INTS6: variants seen among roughly 807,000 people sequenced by gnomAD.
INTS6 encodes the protein integrator complex subunit 6.
Under a neutral mutation model 104.9 loss-of-function variants are expected in INTS6, and 16 were observed. That is an observed-to-expected ratio of 0.15 (90% confidence interval 0.10 to 0.23). INTS6 has a LOEUF of 0.23. Ranked by LOEUF, INTS6 falls within the 10% of genes least tolerant of loss-of-function variation. The pLI is 1.00. For missense variants in INTS6, 584 were observed against 1,062.8 expected (o/e 0.55, Z 6.26); for synonymous variants, 324 against 358.7 (o/e 0.90, Z 1.09).
At chr13:51,339,658 C>T in the INTS6 span, 2 of 152,236 alleles carry the variant, frequency 1.3e-5, no homozygotes, top group Non-Finnish European at 2.9e-5. Flanking sequence ...TTCTGCTCCA[C>T]TTTTTTAAAA....
chr13:51,369,409 T>C, intron 15 of INTS6, 99 bp from the exon 16 acceptor site: 1 of 1,201,096 alleles, frequency 8.3e-7, no homozygotes, highest in Non-Finnish European at 1.2e-6. Flanking sequence ...GTCAACTGTT[T>C]TCCTTGACTA....
At chr13:51,445,543 C>T (rs1952896983) in intron 3 of INTS6, 1 of 152,116 alleles carries the variant, frequency 6.6e-6, no homozygotes, top group Non-Finnish European at 1.5e-5. Context: ...CCATTTAAAC[C>T]TCTCAACAAT....
In INTS6 at chr13:51,452,101, AG is replaced by A. The variant is rs1287195083; in HGVS notation, c.112-47del. On this transcript the variant is annotated intron_variant, in intron 1 of 17. Coordinates refer to ENST00000311234, the MANE Select transcript of INTS6 (RefSeq NM_012141.3). The surrounding 1 kb of genome is among the most constrained non-coding windows in gnomAD (Gnocchi z 4.2). Reference sequence around the variant, plus strand: ...CAGGGCGGGCGACAGGGAAGCACAGAGGCGAGGTTACGAGGCGGAGAAGGGG... The same window carrying A: ...CAGGGCGGGCGACAGGGAAGCACAGAGCGAGGTTACGAGGCGGAGAAGGGG... 2 of 1,570,410 alleles carry A rather than the reference AG, an allele frequency of 1.3e-6. No individual in the cohort carries two copies. The highest frequency in any genetic ancestry group is 1.7e-6 in the Non-Finnish European group (2 of 1,147,056).
intron 4 of INTS6, among the ~76,000 whole-genome samples, chr13:51,405,877 T>C (rs1278337233): frequency 1.3e-5 from 2 of 152,182 alleles, no homozygotes; most frequent in African/African-American, 4.8e-5. Context: ...TAATAAACTG[T>C]TGTTTTAAGT....
intron 3 of INTS6, chr13:51,440,037 G>A (rs1213614080): frequency 6.6e-6 from 1 of 152,280 alleles, no homozygotes; most frequent in Non-Finnish European, 1.5e-5. Flanking sequence ...AGGAGATCAG[G>A]AGGTCAGGAG....
Position 51,430,353 on chromosome 13 carries a change from T to C in INTS6, c.370A>G (p.Ile124Val), listed in dbSNP as rs889713817. ...CTCCCATCAGTAATTGTGATAATTA[T>C]TGCTGGCTCCAAGAAAAAAGGGTTT... ...GRNPFFLEPA[I>V]IITITDGSKL... The change falls in exon 4 of 18, where the codon ATA becomes GTA. Residue 124 changes from isoleucine to valine, a missense_variant. Physicochemically the swap from Ile to Val is conservative, Grantham distance 29 (BLOSUM62 3). This residue lies in a region of INTS6 where 70 missense variants were observed against 190.3 expected (regional missense o/e 0.37). Transcript: ENST00000311234. The C allele has an allele frequency of 1.2e-6, 2 of 1,612,644 alleles. No individual in the cohort carries two copies. Among genetic ancestry groups the C allele is most frequent in the African/African-American group, 1.3e-5 (1 of 74,998 alleles).
intron 16 of INTS6, among the ~76,000 whole-genome samples, chr13:51,368,276 G>A (rs1955732095): frequency 6.6e-6 from 1 of 151,982 alleles, no homozygotes; most frequent in Non-Finnish European, 1.5e-5. Flanking sequence ...GGAAGTGGGG[G>A]TAAAAACCAG....
chr13:51,426,789 A>C (rs933488329), intron 4 of INTS6, among the ~76,000 whole-genome samples: 3 of 152,138 alleles, frequency 2.0e-5, no homozygotes, highest in Non-Finnish European at 2.9e-5. Context: ...GACAAATAAG[A>C]AATCAGATAA....
chr13:51,450,147 A>G (rs1451166129), intron 3 of INTS6: 1 of 985,046 alleles, frequency 1.0e-6, no homozygotes, highest in East Asian at 1.1e-4. Flanking sequence ...CCAATATATA[A>G]TTAGGAATAG....
chr13:51,395,228 G>A (rs1488633477), intron 5 of INTS6, 72 bp downstream of exon 5: 2 of 1,397,608 alleles, frequency 1.4e-6, no homozygotes, highest in Non-Finnish European at 1.9e-6. Flanking sequence ...TGGAGCTTTT[G>A]AATGTACACT....
At chr13:51,345,213 C>T in the INTS6 span, among the ~76,000 whole-genome samples, 2 of 152,132 alleles carry the variant, frequency 1.3e-5, no homozygotes, top group East Asian at 3.9e-4. Context: ...GCACAGAAGG[C>T]TCAGCCTCCT....
At chr13:51,420,447 TCA>T (rs1431558261) in intron 4 of INTS6, among the ~76,000 whole-genome samples, 1 of 152,042 alleles carries the variant, frequency 6.6e-6, no homozygotes, top group Non-Finnish European at 1.5e-5. Flanking sequence ...GTGCTTCAAA[TCA>T]CAGAGAAAGA....
At chr13:51,372,693 CA>C (rs1281794283) in intron 15 of INTS6, among the ~76,000 whole-genome samples, 1 of 152,194 alleles carries the variant, frequency 6.6e-6, no homozygotes, top group East Asian at 1.9e-4. Flanking sequence ...TCTCTCAAGA[CA>C]TACGTCTGAC....
chr13:51,390,388 AAATT>A (rs1956225106), intron 5 of INTS6, among the ~76,000 whole-genome samples: 1 of 151,878 alleles, frequency 6.6e-6, no homozygotes, highest in Non-Finnish European at 1.5e-5. Context: ...TATATTATTA[AAATT>A]AATTTCATCT....
downstream of INTS6, chr13:51,361,288 C>G (rs369934291): frequency 1.3e-4 from 212 of 1,608,268 alleles, no homozygotes; most frequent in Non-Finnish European, 1.7e-4. Context: ...GCCAAGATGG[C>G]TTTTATGTTT....
intron 3 of INTS6, chr13:51,447,100 T>G (rs2138165399): frequency 6.6e-6 from 1 of 152,348 alleles, no homozygotes; most frequent in South Asian, 2.1e-4. Context: ...CTATTCATCA[T>G]TGTGTTTCCA....
rs760577277 is a variant in INTS6, at chr13:51,389,452, T to TA, written c.614-9dup. On this transcript the variant is annotated splice_polypyrimidine_tract_variant and intron_variant, in intron 5 of 17. Coordinates refer to ENST00000311234, the MANE Select transcript of INTS6 (RefSeq NM_012141.3). ...ACACAGAATATGAACGGCCTGAGAT[T>TA]AAAAAAAAGAAGAAGAAGAAGAAGA... 7.2e-5 allele frequency: 112 copies of TA among 1,565,824 alleles called. No individual in the cohort carries two copies. Among genetic ancestry groups the TA allele is most frequent in the Admixed American group, 9.7e-5 (5 of 51,326 alleles).
chr13:51,339,417 CT>C, the INTS6 span: 3 of 152,256 alleles, frequency 2.0e-5, no homozygotes, highest in African/African-American at 7.2e-5. Context: ...GGGTTCCTTG[CT>C]GGTACAACCA....
At position 51,364,257 on chromosome 13, in the gene INTS6, GGA is replaced by G; in HGVS notation, c.*1493_*1494del. ...TTGACAGGGTTTGTCTTCAGTATTGGGAGAGTTTCAAATCCCCTAGACTAAAT... is the reference window on the plus strand; with the variant it reads ...TTGACAGGGTTTGTCTTCAGTATTGGGAGTTTCAAATCCCCTAGACTAAAT... On this transcript the variant is annotated 3_prime_UTR_variant, in exon 18 of 18. Coordinates refer to ENST00000311234, the MANE Select transcript of INTS6 (RefSeq NM_012141.3). The G allele has an allele frequency of 2.0e-6, 3 of 1,473,932 alleles. No homozygotes were observed. The highest frequency in any genetic ancestry group is 2.7e-6 in the Non-Finnish European group (3 of 1,097,536). 91.3% of individuals were successfully genotyped at this position (1,473,932 alleles called of 1,614,324 possible).
Sources: allele counts gnomAD v4.1 joint callset (sites outside exome capture counted in the v4.1 genomes callset), GRCh38; gene constraint gnomAD v4.1.1; regional missense constraint gnomAD v4.1.1; non-coding constraint Gnocchi (gnomAD v3.1); transcripts MANE v1.5; gene names NCBI Gene and HGNC (gene_info 2026-07-23, HGNC 2026-07-21).